Variants in KIRREL3 observed in about 807,000 individuals in gnomAD.
KIRREL3 encodes the protein kin of IRRE-like protein 3.
KIRREL3 carries 36 observed loss-of-function variants against 89.7 expected under a neutral mutation model. The ratio of observed to expected loss-of-function variants is 0.40; its 90% CI spans 0.31 to 0.53. KIRREL3 has a LOEUF of 0.53. Ranked by LOEUF, KIRREL3 falls within the 20% of genes least tolerant of loss-of-function variation. The probability of loss-of-function intolerance (pLI) is 0.49; values close to 1 mark genes in which losing one functional copy is unlikely to be tolerated. For missense variants in KIRREL3, 864 were observed against 1,056.6 expected (o/e 0.82, Z 2.53); for synonymous variants, 445 against 441.4 (o/e 1.01, Z -0.10).
Position 126,736,555 on chromosome 11 carries a change from T to A in KIRREL3, c.56-173643A>T, listed in dbSNP as rs371366627. Among the ~76,000 whole-genome samples the A allele has an allele frequency of 1.3e-5, 2 of 152,156 alleles. No homozygotes were observed. Among genetic ancestry groups the A allele is most frequent in the African/African-American group, 4.8e-5 (2 of 41,438 alleles). Reference sequence around the variant, plus strand: ...TGTCCCCAGGGGACATTTGAGAACATCTGAAGATATTTTCGGTTGTTACAA... The same window carrying A: ...TGTCCCCAGGGGACATTTGAGAACAACTGAAGATATTTTCGGTTGTTACAA... On this transcript the variant is annotated intron_variant, in intron 1 of 16. Coordinates refer to ENST00000525144, the MANE Select transcript of KIRREL3 (RefSeq NM_032531.4). The surrounding 1 kb of genome is among the most constrained non-coding windows in gnomAD (Gnocchi z 5.0).
In KIRREL3 at chr11:126,537,710, A is replaced by G. The variant is rs1226157445; in HGVS notation, c.134-11023T>C. On this transcript the variant is annotated intron_variant, in intron 2 of 16. Transcript: ENST00000525144. This position sits in a 1 kb window ranked among gnomAD's most constrained non-coding sequence, Gnocchi z 4.3. ...ACCCTTTCTGAGCTTCAGTTTCCCT[A>G]TCTGAAAAATGGGGATGACACGCCT... 6.6e-6 allele frequency among the ~76,000 whole-genome samples: 1 copy of G among 152,148 alleles called. No homozygotes were observed. Among genetic ancestry groups the G allele is most frequent in the Non-Finnish European group, 1.5e-5 (1 of 68,014 alleles).
intron 7 of KIRREL3, among the ~76,000 whole-genome samples, chr11:126,452,434 G>C (rs1035589396): frequency 6.6e-6 from 1 of 152,230 alleles, no homozygotes; most frequent in African/African-American, 2.4e-5. Context: ...TGGATGCAGC[G>C]TGAGGCCAAG....
chr11:126,683,136 G>A lies in KIRREL3; in HGVS notation c.56-120224C>T, dbSNP rs1216676963. Among the ~76,000 whole-genome samples, 5 of 152,094 alleles carry A rather than the reference G, an allele frequency of 3.3e-5. No individual in the cohort carries two copies. The highest frequency in any genetic ancestry group is 1.3e-4 in the Admixed American group (2 of 15,274). On this transcript the variant is annotated intron_variant, in intron 1 of 16. Coordinates refer to ENST00000525144, the MANE Select transcript of KIRREL3 (RefSeq NM_032531.4). This position sits in a 1 kb window ranked among gnomAD's most constrained non-coding sequence, Gnocchi z 5.2. The stretch of plus-strand genomic sequence containing the variant: ...CTTCCAAAGTGTTGCAATTACAAGC[G>A]TGAGCCACAGCACCGGGTTACTTTG...
chr11:126,727,548 T>C (rs1456399067), intron 1 of KIRREL3, among the ~76,000 whole-genome samples: 1 of 152,200 alleles, frequency 6.6e-6, no homozygotes, highest in East Asian at 1.9e-4. Flanking sequence ...AGCTGTACCC[T>C]GCACCCTGCC....
At chr11:126,885,608 A>G (rs1389515363) in intron 1 of KIRREL3, among the ~76,000 whole-genome samples, 1 of 152,252 alleles carries the variant, frequency 6.6e-6, no homozygotes, top group East Asian at 1.9e-4. Context: ...GAAATAACTG[A>G]GAAAAAGCCA....
intron 1 of KIRREL3, among the ~76,000 whole-genome samples, chr11:126,947,755 T>C (rs1351238356): frequency 2.0e-5 from 3 of 152,154 alleles, no homozygotes; most frequent in African/African-American, 7.2e-5. Context: ...GCTAAAACAA[T>C]CTGGAAATGT....
chr11:126,440,109 A>G (rs1296776938), intron 11 of KIRREL3: 3 of 507,438 alleles, frequency 5.9e-6, no homozygotes, highest in African/African-American at 3.9e-5. Flanking sequence ...TTTGCTAAAG[A>G]CTGGCCTGGA....
intron 2 of KIRREL3, among the ~76,000 whole-genome samples, chr11:126,534,270 G>T (rs1396625342): frequency 6.7e-6 from 1 of 150,374 alleles, no homozygotes; most frequent in Non-Finnish European, 1.5e-5. Context: ...GGTGGAAGGG[G>T]TAGGGGGCGT....
chr11:126,599,916 C>T (rs1942575217), intron 1 of KIRREL3, among the ~76,000 whole-genome samples: 2 of 152,206 alleles, frequency 1.3e-5, no homozygotes, highest in African/African-American at 4.8e-5. Context: ...ACTCCTGCCT[C>T]CTGGTTTTCA....
rs185617951 is a variant in KIRREL3 at position 126,899,301 on chromosome 11, T to A, written c.55+101154A>T. 3.1e-3 allele frequency among the ~76,000 whole-genome samples: 471 copies of A among 152,268 alleles called. 5 individuals are homozygous for A. The highest frequency in any genetic ancestry group is 6.2e-4 in the Non-Finnish European group (42 of 68,026). On this transcript the variant is annotated intron_variant, in intron 1 of 16. Transcript: ENST00000525144. The stretch of plus-strand genomic sequence containing the variant: ...TATAGCCTTTCACTCCTTGTAGACA[T>A]GAAGATAGCTAAGAAAAAGTAAATG...
At chr11:126,840,265 T>C (rs1408393230) in intron 1 of KIRREL3, among the ~76,000 whole-genome samples, 1 of 152,220 alleles carries the variant, frequency 6.6e-6, no homozygotes, top group Non-Finnish European at 1.5e-5. Context: ...TTGGTTTATA[T>C]ATGATTTCTG....
At chr11:126,721,353 A>T (rs1237237275) in intron 1 of KIRREL3, among the ~76,000 whole-genome samples, 1 of 152,040 alleles carries the variant, frequency 6.6e-6, no homozygotes, top group Non-Finnish European at 1.5e-5. Context: ...CAACATGGAG[A>T]AACCCCGTCT....
Position 126,981,242 on chromosome 11 carries a change from GC to G in KIRREL3, c.55+19212del, listed in dbSNP as rs1388409834. Among the ~76,000 whole-genome samples, 2 of 152,186 alleles carry G rather than the reference GC, an allele frequency of 1.3e-5. No individual in the cohort carries two copies. Among genetic ancestry groups the G allele is most frequent in the African/African-American group, 4.8e-5 (2 of 41,432 alleles). ...CAGCAAGACCTTCTTATTTTTGCAA[GC>G]TATTCTATTTTATTTGTTCTTAGTG... On this transcript the variant is annotated intron_variant, in intron 1 of 16. Transcript: ENST00000525144. This position sits in a 1 kb window ranked among gnomAD's most constrained non-coding sequence, Gnocchi z 4.2.
intron 1 of KIRREL3, among the ~76,000 whole-genome samples, chr11:126,745,306 C>T (rs567363759): frequency 8.6e-5 from 13 of 151,846 alleles, no homozygotes; most frequent in East Asian, 3.9e-4. Flanking sequence ...CAATTCAAAA[C>T]GGTGGAGGGA....
At chr11:126,547,786 G>A (rs932756326) in intron 2 of KIRREL3, among the ~76,000 whole-genome samples, 1 of 152,188 alleles carries the variant, frequency 6.6e-6, no homozygotes, top group African/African-American at 2.4e-5. Flanking sequence ...CCCACAATAG[G>A]GGCTTAGTCA....
chr11:126,613,187 A>G (rs2134803835), intron 1 of KIRREL3, among the ~76,000 whole-genome samples: 1 of 152,362 alleles, frequency 6.6e-6, no homozygotes. Flanking sequence ...TGGAATCTCC[A>G]GATAAATGCA....
rs759204975 is a variant in KIRREL3, at chr11:126,891,404, T to C, written c.55+109051A>G. Among the ~76,000 whole-genome samples, 1 of 152,198 alleles carries C rather than the reference T, an allele frequency of 6.6e-6. No individual in the cohort carries two copies. The highest frequency in any genetic ancestry group is 1.5e-5 in the Non-Finnish European group (1 of 68,042). ...TCCACTTAAAAAAATCTTCAGCTATTGTAAAGGGCAAGGAGCTGGAAGGAA... is the reference window on the plus strand; with the variant it reads ...TCCACTTAAAAAAATCTTCAGCTATCGTAAAGGGCAAGGAGCTGGAAGGAA... On this transcript the variant is annotated intron_variant, in intron 1 of 16. Coordinates refer to ENST00000525144, the MANE Select transcript of KIRREL3 (RefSeq NM_032531.4). This position sits in a 1 kb window ranked among gnomAD's most constrained non-coding sequence, Gnocchi z 5.1.
intron 1 of KIRREL3, among the ~76,000 whole-genome samples, chr11:126,963,665 T>C (rs12225685): frequency 6.6e-6 from 1 of 152,166 alleles, no homozygotes; most frequent in African/African-American, 2.4e-5. Flanking sequence ...CCCTTCTTCC[T>C]TTTGGATATC....
rs1958832064 is a variant in KIRREL3 at position 126,528,455 on chromosome 11, G to A, written c.134-1768C>T. Among the ~76,000 whole-genome samples the A allele has an allele frequency of 6.6e-6, 1 of 152,216 alleles. No individual in the cohort carries two copies. The highest frequency in any genetic ancestry group is 2.4e-5 in the African/African-American group (1 of 41,456). On this transcript the variant is annotated intron_variant, in intron 2 of 16. Transcript: ENST00000525144. This position sits in a 1 kb window ranked among gnomAD's most constrained non-coding sequence, Gnocchi z 4.6. Reference sequence around the variant, plus strand: ...GAAGGAGGGGTGCAGATTCACAGTGGAGAGCTGGGGACAGGCAGGAAGGTG... The same window carrying A: ...GAAGGAGGGGTGCAGATTCACAGTGAAGAGCTGGGGACAGGCAGGAAGGTG...
Sources: allele counts gnomAD v4.1 joint callset (sites outside exome capture counted in the v4.1 genomes callset), GRCh38; gene constraint gnomAD v4.1.1; non-coding constraint Gnocchi (gnomAD v3.1); transcripts MANE v1.5; gene names NCBI Gene and HGNC (gene_info 2026-07-23, HGNC 2026-07-21).